Variants in NLRP8 observed in about 807,000 individuals in gnomAD.
NLRP8 encodes the protein NACHT, LRR and PYD domains-containing protein 8.
A neutral mutation model predicts 88.7 loss-of-function variants in NLRP8; 86 were observed. The ratio of observed to expected loss-of-function variants is 0.97; its 90% confidence interval spans 0.81 to 1.16. The LOEUF is 1.16. NLRP8 is among the 50% of genes most tolerant of loss of function. The probability of loss-of-function intolerance (pLI) is 0.00; values close to 1 mark genes in which losing one functional copy is unlikely to be tolerated. For missense variants in NLRP8, 1,342 were observed against 1,286.5 expected (o/e 1.04, Z -0.66); for synonymous variants, 504 against 494.6 (o/e 1.02, Z -0.25).
chr19:55,960,897 CTTTT>C (rs36087472), intron 3 of NLRP8, among the ~76,000 whole-genome samples: 2 of 91,002 alleles, frequency 2.2e-5, no homozygotes, highest in Admixed American at 1.4e-4. Flanking sequence ...AACTATTTCT[CTTTT>C]TTTTTTTTTT....
At chr19:55,954,466 T>C (rs1263894592) in intron 2 of NLRP8, 35 bp from the exon 3 acceptor site, 2 of 1,595,800 alleles carry the variant, frequency 1.3e-6, no homozygotes, top group Non-Finnish European at 1.7e-6. Context: ...CACTCTGATG[T>C]CATACCCTTT....
chr19:55,964,634 C>T (rs984691502), intron 4 of NLRP8, among the ~76,000 whole-genome samples: 1 of 152,028 alleles, frequency 6.6e-6, no homozygotes, highest in East Asian at 1.9e-4. Context: ...CATCTGTAAT[C>T]CCAGCTACTT....
intron 7 of NLRP8, among the ~76,000 whole-genome samples, chr19:55,975,242 A>G (rs1199829359): frequency 2.0e-5 from 3 of 152,218 alleles, no homozygotes; most frequent in African/African-American, 7.2e-5. Flanking sequence ...TGCCCCAAGC[A>G]TAGTAACTCT....
At position 55,955,396 on chromosome 19, in the gene NLRP8, C is replaced by T. The variant is rs1979298312; in HGVS notation, c.1338C>T (p.Ile446=). The T allele has an allele frequency of 6.2e-7, 1 of 1,614,172 alleles. No individual in the cohort carries two copies. The highest frequency in any genetic ancestry group is 8.5e-7 in the Non-Finnish European group (1 of 1,180,036). Residue 446 remains isoleucine, a synonymous_variant, in exon 3 of 10, where the codon ATC becomes ATT. Transcript: ENST00000291971. ...GAGCTGAGAACTTTTCCAGAAAGATCCACCAAGCACAACTGGAAGGTCTGT... is the reference window on the plus strand; with the variant it reads ...GAGCTGAGAACTTTTCCAGAAAGATTCACCAAGCACAACTGGAAGGTCTGT...
Position 55,988,400 on chromosome 19 carries a change from G to GA in NLRP8, c.*497dup, listed in dbSNP as rs200476456. On this transcript the variant is annotated 3_prime_UTR_variant, in exon 10 of 10. Transcript: ENST00000291971. ...ACAGAGCAAGACTCTGTCTCAAGAA[G>GA]AAAAAAAAAATACATATACACATAA... The GA allele has an allele frequency of 3.9e-4, 36 of 92,598 alleles. No homozygotes were observed. The highest frequency in any genetic ancestry group is 3.1e-3 in the East Asian group (10 of 3,214). 5.7% of individuals were successfully genotyped at this position (92,598 alleles called of 1,614,324 possible).
Position 55,948,000 on chromosome 19 carries a change from C to G in NLRP8, c.98C>G (p.Pro33Arg). 6.2e-7 allele frequency: 1 copy of G among 1,614,088 alleles called. No individual in the cohort carries two copies. Among genetic ancestry groups the G allele is most frequent in the East Asian group, 2.2e-5 (1 of 44,856 alleles). The change falls in exon 1 of 10, where the codon CCC (proline) becomes CGC (arginine). Residue 33 changes from proline (P) to arginine (R), a missense_variant. Coordinates refer to ENST00000291971, the MANE Select transcript of NLRP8 (RefSeq NM_176811.2). ...CCGCCCTGGACATTCTCTTGCTACC[C>G]CGGCTCCCCATGTGAAAATGGGGTC...
rs142424305 is a variant in NLRP8, at chr19:55,965,006, C to T, written c.2214-1207C>T. 2.0e-4 allele frequency among the ~76,000 whole-genome samples: 30 copies of T among 152,214 alleles called. No individual in the cohort carries two copies. The East Asian group carries it at 2.1e-3, about 11-fold the overall frequency. On this transcript the variant is annotated intron_variant, in intron 4 of 9. Coordinates refer to ENST00000291971, the MANE Select transcript of NLRP8 (RefSeq NM_176811.2). Reference sequence around the variant, plus strand: ...TGGTTTTAGAAAAGGCGTGTGATGGCCAGGAGTGGTGGCCCATGACTGTAG... The same window carrying T: ...TGGTTTTAGAAAAGGCGTGTGATGGTCAGGAGTGGTGGCCCATGACTGTAG...
At chr19:55,960,107 G>A (rs529734632) in intron 3 of NLRP8, among the ~76,000 whole-genome samples, 2 of 151,704 alleles carry the variant, frequency 1.3e-5, no homozygotes, top group African/African-American at 4.8e-5. Context: ...CATACTTCAA[G>A]GCCCAGGAAA....
At chr19:55,951,310 C>G (rs1369385894) in intron 1 of NLRP8, among the ~76,000 whole-genome samples, 1 of 152,040 alleles carries the variant, frequency 6.6e-6, no homozygotes, top group Non-Finnish European at 1.5e-5. Context: ...ACATGTAAAA[C>G]AAGTTTTTAT....
At chr19:55,977,132 GATACATAT>G (rs1195591009) in intron 8 of NLRP8, among the ~76,000 whole-genome samples, 1 of 143,814 alleles carries the variant, frequency 7.0e-6, no homozygotes, top group East Asian at 2.0e-4. Flanking sequence ...AGATACATAA[GATACATAT>G]ATACGTATAT....
At chr19:55,971,074 T>A (rs306488) in intron 6 of NLRP8, among the ~76,000 whole-genome samples, 54,517 of 151,708 alleles carry the variant, frequency 0.36, 10,430 homozygotes, top group Non-Finnish European at 0.43. Flanking sequence ...GCTCCTTAAT[T>A]TATGTATAGT....
intron 9 of NLRP8, among the ~76,000 whole-genome samples, chr19:55,981,917 T>A (rs1980591043): frequency 6.6e-6 from 1 of 152,114 alleles, no homozygotes. Context: ...TTGTTTTTTT[T>A]TTTGAGATGG....
chr19:55,961,627 C>T (rs899165229), intron 3 of NLRP8, among the ~76,000 whole-genome samples: 2 of 144,692 alleles, frequency 1.4e-5, no homozygotes, highest in Non-Finnish European at 3.0e-5. Flanking sequence ...CATGGAGAAT[C>T]CCTGTTTCTA....
At chr19:55,987,738 C>CA (rs1345123035) in intron 9 of NLRP8, 17 of 1,096,768 alleles carry the variant, frequency 1.6e-5, no homozygotes, top group Non-Finnish European at 2.1e-5. Flanking sequence ...AGCATAGAGA[C>CA]AAAATGCAAG....
intron 8 of NLRP8, among the ~76,000 whole-genome samples, chr19:55,978,264 A>G (rs118116965): frequency 6.2e-4 from 94 of 152,202 alleles, no homozygotes; most frequent in Admixed American, 3.0e-3. Flanking sequence ...AGATATACGT[A>G]ATGTTAAATG....
intron 9 of NLRP8, among the ~76,000 whole-genome samples, chr19:55,982,090 G>A (rs1980599246): frequency 6.6e-6 from 1 of 152,072 alleles, no homozygotes; most frequent in Non-Finnish European, 1.5e-5. Context: ...TTTTAGCAGA[G>A]ACAGGGTTTC....
At chr19:55,950,665 C>T (rs942338475) in intron 1 of NLRP8, among the ~76,000 whole-genome samples, 9 of 152,200 alleles carry the variant, frequency 5.9e-5, no homozygotes, top group African/African-American at 1.9e-4. Context: ...CCCCGTAAGC[C>T]AGTGTCATTT....
chr19:55,964,132 C>T (rs1457904169), intron 4 of NLRP8, among the ~76,000 whole-genome samples: 2 of 152,190 alleles, frequency 1.3e-5, no homozygotes, highest in Non-Finnish European at 2.9e-5. Flanking sequence ...TGGCCCCTTC[C>T]TTGAAATAAG....
intron 8 of NLRP8, among the ~76,000 whole-genome samples, chr19:55,977,484 C>A (rs1980399867): frequency 7.1e-6 from 1 of 141,470 alleles, no homozygotes; most frequent in African/African-American, 2.6e-5. Context: ...TTTATATATA[C>A]ATAATTTATA....
Sources: allele counts gnomAD v4.1 joint callset (sites outside exome capture counted in the v4.1 genomes callset), GRCh38; gene constraint gnomAD v4.1.1; transcripts MANE v1.5; gene names NCBI Gene and HGNC (gene_info 2026-07-23, HGNC 2026-07-21).